The following CFAP20DC variants were observed in gnomAD, a reference collection of about 807,000 sequenced individuals.
The protein encoded by CFAP20DC is protein CFAP20DC.
CFAP20DC carries 84 observed loss-of-function variants against 101.7 expected under a neutral mutation model. That is an observed-to-expected ratio of 0.83 (90% CI 0.69 to 0.99). The LOEUF (loss-of-function observed/expected upper bound fraction) is 0.99, where lower values mean the gene tolerates loss of function less well. CFAP20DC is among the 50% of genes least tolerant of loss of function. CFAP20DC has a pLI of 0.00. For synonymous variants in CFAP20DC, 359 were observed against 351.2 expected (o/e 1.02, Z -0.25); for missense variants, 1,007 against 970.3 (o/e 1.04, Z -0.50).
chr3:58,815,596 C>A (rs1221071654), intron 14 of CFAP20DC, among the ~76,000 whole-genome samples: 1 of 151,496 alleles, frequency 6.6e-6, no homozygotes, highest in Admixed American at 6.6e-5. Flanking sequence ...AGAAAATTTT[C>A]ACAACCTGCT....
At chr3:58,910,637 T>C (rs1239837711) in intron 6 of CFAP20DC, among the ~76,000 whole-genome samples, 1 of 152,124 alleles carries the variant, frequency 6.6e-6, no homozygotes, top group Non-Finnish European at 1.5e-5. Context: ...TCTGAAAATA[T>C]CTGTCCTTGA....
chr3:58,964,296 T>C lies in CFAP20DC; in HGVS notation c.279-26534A>G, dbSNP rs985174905. 6.6e-6 allele frequency among the ~76,000 whole-genome samples: 1 copy of C among 152,224 alleles called. No individual in the cohort carries two copies. The highest frequency in any genetic ancestry group is 1.5e-5 in the Non-Finnish European group (1 of 68,040). On this transcript the variant is annotated intron_variant, in intron 4 of 16. Transcript: ENST00000482387. The surrounding 1 kb of genome is among the most constrained non-coding windows in gnomAD (Gnocchi z 4.1). Reference sequence around the variant, plus strand: ...GAGGCTGGTCACTCAAATGCCTTCATGTCCTGAAAAGACCTTTTGAGGTAC... The same window carrying C: ...GAGGCTGGTCACTCAAATGCCTTCACGTCCTGAAAAGACCTTTTGAGGTAC...
chr3:58,992,538 G>A, intron 4 of CFAP20DC: 1 of 981,278 alleles, frequency 1.0e-6, no homozygotes, highest in Non-Finnish European at 1.2e-6. Context: ...AGAAGTCCTA[G>A]TCTACACTAA....
intron 14 of CFAP20DC, among the ~76,000 whole-genome samples, chr3:58,806,730 G>A (rs1316680618): frequency 6.6e-6 from 1 of 152,242 alleles, no homozygotes; most frequent in Non-Finnish European, 1.5e-5. Flanking sequence ...GACAGTGGGT[G>A]CAGCGCACCG....
chr3:59,021,003 T>C (rs1005224124), intron 4 of CFAP20DC, among the ~76,000 whole-genome samples: 2 of 152,066 alleles, frequency 1.3e-5, no homozygotes, highest in Non-Finnish European at 2.9e-5. Flanking sequence ...TCCCATGTGT[T>C]CCTCCAGGCT....
At chr3:58,833,231 G>A (rs1277131024) in intron 13 of CFAP20DC, among the ~76,000 whole-genome samples, 1 of 152,110 alleles carries the variant, frequency 6.6e-6, no homozygotes, top group Non-Finnish European at 1.5e-5. Flanking sequence ...AGTTGCCAGT[G>A]GAAACTCAGT....
At chr3:58,937,087 A>T (rs1423040580) in intron 5 of CFAP20DC, among the ~76,000 whole-genome samples, 1 of 152,196 alleles carries the variant, frequency 6.6e-6, no homozygotes, top group Non-Finnish European at 1.5e-5. Context: ...TGTCAGAAAA[A>T]TCAGGCCCTT....
intron 4 of CFAP20DC, among the ~76,000 whole-genome samples, chr3:59,036,129 G>A (rs1489957730): frequency 4.6e-5 from 7 of 152,142 alleles, no homozygotes; most frequent in Admixed American, 4.6e-4. Flanking sequence ...CCATAAACTA[G>A]GTATTGATGG....
intron 3 of CFAP20DC, among the ~76,000 whole-genome samples, chr3:58,718,851 G>T (rs184222185): frequency 1.3e-5 from 2 of 152,196 alleles, no homozygotes; most frequent in South Asian, 2.1e-4. Flanking sequence ...AAGCCAGAAG[G>T]CTAATTAATC....
In CFAP20DC at chr3:58,841,875, T is replaced by G. The variant is rs527486077; in HGVS notation, c.1971+7157A>C. Among the ~76,000 whole-genome samples, 9 of 152,322 alleles carry G rather than the reference T, an allele frequency of 5.9e-5. No homozygotes were observed. The East Asian group carries it at 1.7e-3, about 29-fold the overall frequency. On this transcript the variant is annotated intron_variant, in intron 13 of 16. Coordinates refer to ENST00000482387, the MANE Select transcript of CFAP20DC (RefSeq NM_001394063.1). Reference sequence around the variant, plus strand: ...TATAAAGTCTGTTATATAAGTCTTTTGTTTGTTTGTTTAAAGAAACACATA... The same window carrying G: ...TATAAAGTCTGTTATATAAGTCTTTGGTTTGTTTGTTTAAAGAAACACATA...
At chr3:58,852,913 C>T (rs1462209832) in intron 12 of CFAP20DC, among the ~76,000 whole-genome samples, 1 of 151,448 alleles carries the variant, frequency 6.6e-6, no homozygotes, top group African/African-American at 2.4e-5. Context: ...CCTAACATCA[C>T]AATTAAAAGA....
At chr3:58,889,401 G>C (rs1034437077) in intron 6 of CFAP20DC, among the ~76,000 whole-genome samples, 10 of 152,116 alleles carry the variant, frequency 6.6e-5, no homozygotes, top group African/African-American at 2.4e-4. Flanking sequence ...GTCCAGAATT[G>C]TCAGTGAAAC....
At chr3:58,756,211 G>A (rs1325263420) in intron 15 of CFAP20DC, among the ~76,000 whole-genome samples, 2 of 151,920 alleles carry the variant, frequency 1.3e-5, no homozygotes, top group African/African-American at 2.4e-5. Flanking sequence ...TCTTCTTTCC[G>A]TATTTGTAAC....
At chr3:58,747,764 C>T in intron 16 of CFAP20DC, among the ~76,000 whole-genome samples, 1 of 152,052 alleles carries the variant, frequency 6.6e-6, no homozygotes, top group East Asian at 1.9e-4. Context: ...ACTCTACCAC[C>T]AACATATCTC....
intron 13 of CFAP20DC, among the ~76,000 whole-genome samples, chr3:58,843,683 AG>A (rs1177739119): frequency 6.6e-6 from 1 of 150,924 alleles, no homozygotes. Flanking sequence ...ATACTCCTCG[AG>A]AAGAGCAACT....
At chr3:58,839,018 A>AGTCTCAG (rs2076924199) in intron 13 of CFAP20DC, among the ~76,000 whole-genome samples, 1 of 152,266 alleles carries the variant, frequency 6.6e-6, no homozygotes. Context: ...GTTTACAGAA[A>AGTCTCAG]TGAAAATAGA....
chr3:58,799,733 C>G lies in CFAP20DC; in HGVS notation c.2237+6662G>C, dbSNP rs6768331. ...AGTGTGTGTGTGTCTGTGTGTGTGT[C>G]TGTGTGTGTGTGTGTGTGTGTGTGT... On this transcript the variant is annotated intron_variant, in intron 15 of 16. Coordinates refer to ENST00000482387, the MANE Select transcript of CFAP20DC (RefSeq NM_001394063.1). This position sits in a 1 kb window ranked among gnomAD's most constrained non-coding sequence, Gnocchi z 4.9. 9.2e-3 allele frequency among the ~76,000 whole-genome samples: 1,310 copies of G among 142,946 alleles called. 9 individuals are homozygous for G. The highest frequency in any genetic ancestry group is 0.018 in the Middle Eastern group (5 of 276). The allele number at this position is 142,946 out of a possible 152,430, so 93.8% of individuals were successfully genotyped here.
rs558770957 is a variant in CFAP20DC at position 58,914,690 on chromosome 3, A to T, written c.394-826T>A. ...CCTGTATATATAAATATATATATAT[A>T]TATTTTTTTTCTTTTTTTTAAAGAC... On this transcript the variant is annotated intron_variant, in intron 5 of 16. Coordinates refer to ENST00000482387, the MANE Select transcript of CFAP20DC (RefSeq NM_001394063.1). This position sits in a 1 kb window ranked among gnomAD's most constrained non-coding sequence, Gnocchi z 4.9. 2.7e-3 allele frequency among the ~76,000 whole-genome samples: 393 copies of T among 148,216 alleles called. No homozygotes were observed. The highest frequency in any genetic ancestry group is 4.5e-3 in the Non-Finnish European group (304 of 67,288).
intron 16 of CFAP20DC, among the ~76,000 whole-genome samples, chr3:58,745,024 G>C (rs993512061): frequency 6.6e-6 from 1 of 152,080 alleles, no homozygotes; most frequent in Admixed American, 6.6e-5. Context: ...AATAATGGTA[G>C]CTGACCTGAC....
Sources: allele counts gnomAD v4.1 joint callset (sites outside exome capture counted in the v4.1 genomes callset), GRCh38; gene constraint gnomAD v4.1.1; non-coding constraint Gnocchi (gnomAD v3.1); transcripts MANE v1.5; gene names NCBI Gene and HGNC (gene_info 2026-07-23, HGNC 2026-07-21).